Variants in DGKB observed in about 807,000 individuals in gnomAD.
DGKB encodes diacylglycerol kinase beta.
A neutral mutation model predicts 114.3 loss-of-function variants in DGKB; 67 were observed. The observed-to-expected ratio is 0.59, with a 90% CI of 0.48 to 0.72. The LOEUF (loss-of-function observed/expected upper bound fraction) is 0.72, where lower values mean the gene tolerates loss of function less well. DGKB is among the 30% of genes least tolerant of loss of function. The probability of loss-of-function intolerance (pLI) is 0.00; values close to 1 mark genes in which losing one functional copy is unlikely to be tolerated. For missense variants in DGKB, 907 were observed against 975.2 expected, an observed-to-expected ratio of 0.93 and a Z score of 0.93; for synonymous variants, 398 against 323.1, an observed-to-expected ratio of 1.23 and a Z score of -2.49.
At chr7:14,231,107 CTTTCTTTCTTTCTTTCTTTCTT>C in intron 23 of DGKB, among the ~76,000 whole-genome samples, 1 of 122,454 alleles carries the variant, frequency 8.2e-6, no homozygotes, top group East Asian at 2.4e-4. Flanking sequence ...TTCTTTCTTT[CTTTCTTTCTTTCTTTCTTTCTT>C]TCTTTCTTTC....
intron 20 of DGKB, among the ~76,000 whole-genome samples, chr7:14,559,887 T>A (rs1796399513): frequency 6.6e-6 from 1 of 151,870 alleles, no homozygotes; most frequent in Non-Finnish European, 1.5e-5. Context: ...TTTTTACTTT[T>A]CTTTTCTCTT....
chr7:14,841,571 G>A (rs940294360), intron 1 of DGKB, 121 bp from the exon 2 acceptor site: 3 of 239,114 alleles, frequency 1.3e-5, no homozygotes, highest in Non-Finnish European at 2.4e-5. Flanking sequence ...TACAAATTGT[G>A]AGAAGAATCT....
intron 23 of DGKB, among the ~76,000 whole-genome samples, chr7:14,185,262 C>T (rs151310314): frequency 2.6e-4 from 40 of 152,224 alleles, no homozygotes; most frequent in African/African-American, 9.1e-4. Flanking sequence ...AACTCAACCA[C>T]TTTTACAATA....
At chr7:14,452,137 C>A (rs11525791) in intron 21 of DGKB, among the ~76,000 whole-genome samples, 26,550 of 151,760 alleles carry the variant, frequency 0.17, 3,041 homozygotes, top group East Asian at 0.32. Flanking sequence ...ATTTCCTGCC[C>A]AATAGAAAAG....
At chr7:14,699,121 T>G (rs1417777708) in intron 7 of DGKB, among the ~76,000 whole-genome samples, 1 of 115,144 alleles carries the variant, frequency 8.7e-6, no homozygotes, top group Non-Finnish European at 1.8e-5. Flanking sequence ...CTATACTCCC[T>G]CTCTCCAGAA....
intron 21 of DGKB, among the ~76,000 whole-genome samples, chr7:14,439,193 G>A (rs1829713703): frequency 6.6e-6 from 1 of 151,986 alleles, no homozygotes; most frequent in Admixed American, 6.6e-5. Flanking sequence ...TTTGACAGTG[G>A]CCTCATTCCT....
upstream of DGKB, among the ~76,000 whole-genome samples, chr7:14,906,618 T>C (rs941013820): frequency 6.6e-6 from 1 of 152,008 alleles, no homozygotes; most frequent in Non-Finnish European, 1.5e-5. Context: ...CATGCCCAGC[T>C]AATTTTTGTA....
At chr7:14,884,575 A>C (rs2128218252) in intron 1 of DGKB, among the ~76,000 whole-genome samples, 1 of 152,058 alleles carries the variant, frequency 6.6e-6, no homozygotes, top group Non-Finnish European at 1.5e-5. Flanking sequence ...GGCAGCACTC[A>C]ATTTATCACT....
intron 20 of DGKB, among the ~76,000 whole-genome samples, chr7:14,566,147 C>A (rs922206253): frequency 3.9e-5 from 6 of 151,918 alleles, no homozygotes; most frequent in Admixed American, 3.3e-4. Flanking sequence ...AAATCAAATG[C>A]TTTAGGAAGA....
chr7:14,302,264 G>C (rs1489622705), intron 23 of DGKB, among the ~76,000 whole-genome samples: 1 of 152,060 alleles, frequency 6.6e-6, no homozygotes, highest in Admixed American at 6.6e-5. Flanking sequence ...CTGGTGTACA[G>C]AGGAGAGAGA....
At chr7:14,653,760 G>A (rs1234991975) in intron 13 of DGKB, among the ~76,000 whole-genome samples, 2 of 151,764 alleles carry the variant, frequency 1.3e-5, no homozygotes, top group Admixed American at 1.3e-4. Flanking sequence ...TACATCAATA[G>A]AATAAAGGAA....
intron 21 of DGKB, among the ~76,000 whole-genome samples, chr7:14,458,672 T>A (rs1832648373): frequency 6.6e-6 from 1 of 152,162 alleles, no homozygotes; most frequent in Admixed American, 6.5e-5. Context: ...CCGGCCCAGA[T>A]ACTAAGCTTT....
At chr7:14,428,209 A>G (rs1295605801) in intron 21 of DGKB, among the ~76,000 whole-genome samples, 1 of 151,816 alleles carries the variant, frequency 6.6e-6, no homozygotes, top group Non-Finnish European at 1.5e-5. Context: ...TCATCTTCCA[A>G]TATTCTTTCA....
intron 21 of DGKB, among the ~76,000 whole-genome samples, chr7:14,363,700 GTTTC>G: frequency 6.6e-6 from 1 of 152,114 alleles, no homozygotes; most frequent in East Asian, 1.9e-4. Context: ...GAAAATTTGG[GTTTC>G]TTTGTGTATG....
chr7:14,397,042 G>GGA (rs148538737), intron 21 of DGKB, among the ~76,000 whole-genome samples: 11 of 150,716 alleles, frequency 7.3e-5, no homozygotes, highest in East Asian at 3.9e-4. Flanking sequence ...AAGCTTTCTG[G>GGA]GAGAGAGAGA....
At chr7:14,167,765 A>AAGAT (rs1466154392) in intron 25 of DGKB, among the ~76,000 whole-genome samples, 2 of 152,220 alleles carry the variant, frequency 1.3e-5, no homozygotes, top group African/African-American at 4.8e-5. Context: ...CAACTCACAG[A>AAGAT]AGATAGAGCA....
chr7:14,744,938 A>G (rs1833055505), intron 4 of DGKB, among the ~76,000 whole-genome samples: 1 of 152,184 alleles, frequency 6.6e-6, no homozygotes, highest in Admixed American at 6.5e-5. Flanking sequence ...GGGTAATGTA[A>G]TAATCTGGAT....
intron 1 of DGKB, among the ~76,000 whole-genome samples, chr7:14,861,963 G>A (rs549131656): frequency 6.6e-6 from 1 of 152,078 alleles, no homozygotes; most frequent in South Asian, 2.1e-4. Context: ...TTTCCAAAGA[G>A]TGTTTCTCAT....
chr7:14,240,717 C>T (rs1275316937), intron 23 of DGKB, among the ~76,000 whole-genome samples: 2 of 152,058 alleles, frequency 1.3e-5, no homozygotes, highest in Admixed American at 1.3e-4. Context: ...GAGAAGCTAC[C>T]TTTCTACTCT....
Sources: gnomAD v4.1 joint callset for allele counts (sites outside exome capture counted in the v4.1 genomes callset) on GRCh38, gnomAD v4.1.1 for gene constraint, MANE v1.5 for transcripts, NCBI Gene and HGNC (gene_info 2026-07-23, HGNC 2026-07-21) for gene names.